The following KLHL1 variants were observed in gnomAD, a reference collection of about 807,000 sequenced individuals.
KLHL1 encodes the protein kelch like family member 1.
KLHL1 carries 47 observed loss-of-function variants against 77.7 expected under a neutral mutation model. The observed-to-expected ratio is 0.60, with a 90% CI of 0.48 to 0.77. The LOEUF is 0.77. Among genes scored for constraint, KLHL1 ranks in the 30% least tolerant of loss-of-function variants. The pLI is 0.00. For missense variants in KLHL1, 925 were observed against 910.8 expected (o/e 1.02, Z -0.20); for synonymous variants, 360 against 325.2 (o/e 1.11, Z -1.15).
At position 69,961,170 on chromosome 13, in the gene KLHL1, A is replaced by G. The variant is rs1884051777; in HGVS notation, c.817+138T>C. On this transcript the variant is annotated intron_variant, in intron 3 of 10. Transcript: ENST00000377844. ...AATTTCAGTGACAACAAAAAGTCTG[A>G]TTTTTGATCTACTAGTTTTCAACTG... 8.6e-6 allele frequency: 6 copies of G among 694,606 alleles called. No homozygotes were observed. In the African/African-American group the frequency reaches 1.1e-4, roughly 13 times the overall value. The allele number at this position is 694,606 out of a possible 1,614,324, so 43.0% of individuals were successfully genotyped here. A position where few individuals can be genotyped will look rare whatever the true frequency, so the allele number is the denominator to read the frequency against.
intron 6 of KLHL1, among the ~76,000 whole-genome samples, chr13:69,823,344 T>C (rs1211436075): frequency 2.0e-5 from 3 of 152,162 alleles, no homozygotes; most frequent in Non-Finnish European, 4.4e-5. Context: ...ATAAGTGTTA[T>C]GCAACTTTTT....
At chr13:69,845,713 T>G (rs1312373674) in intron 5 of KLHL1, among the ~76,000 whole-genome samples, 1 of 151,520 alleles carries the variant, frequency 6.6e-6, no homozygotes, top group Non-Finnish European at 1.5e-5. Context: ...ATGATAAAAT[T>G]TAATACTAAC....
rs1010351818 is a variant in KLHL1, at chr13:69,946,413, G to C, written c.818-6177C>G. Among the ~76,000 whole-genome samples the C allele has an allele frequency of 1.2e-4, 18 of 151,990 alleles. 1 individual carries two copies. The highest frequency in any genetic ancestry group is 1.2e-3 in the Admixed American group (18 of 15,256). On this transcript the variant is annotated intron_variant, in intron 3 of 10. Coordinates refer to ENST00000377844, the MANE Select transcript of KLHL1 (RefSeq NM_020866.3). ...AATAAATGATTTGAGTTGACAAGTA[G>C]ATAGAAACATTTTCTGAGTGCTTAA... is the stretch of plus-strand genomic sequence containing the variant.
rs1404181830 is a variant in KLHL1 at position 70,057,494 on chromosome 13, A to C, written c.497+49709T>G. 5.7e-5 allele frequency among the ~76,000 whole-genome samples: 7 copies of C among 122,406 alleles called. 1 individual carries two copies. In the East Asian group the frequency reaches 1.8e-3, roughly 31 times the overall value. 80.3% of individuals were successfully genotyped at this position (122,406 alleles called of 152,430 possible). A position where few individuals can be genotyped will look rare whatever the true frequency, so the allele number is the denominator to read the frequency against. ...CAAAAAAAAAAAAAAAAAAAAAAAG[A>C]GGCCGGGCGCGGTGGCTCACGCCTG... On this transcript the variant is annotated intron_variant, in intron 1 of 10. Transcript: ENST00000377844.
Position 70,043,342 on chromosome 13 carries a change from G to A in KLHL1, c.497+63861C>T, listed in dbSNP as rs182829543. Among the ~76,000 whole-genome samples, 29 of 152,236 alleles carry A rather than the reference G, an allele frequency of 1.9e-4. 1 individual carries two copies. The East Asian group carries it at 4.8e-3, about 25-fold the overall frequency. ...TTTTAAGCTCAGTGTTATTACTAAG[G>A]AGTCAAAATGCTAAAAGTTTATAAG... is the stretch of plus-strand genomic sequence containing the variant. On this transcript the variant is annotated intron_variant, in intron 1 of 10. Coordinates refer to ENST00000377844, the MANE Select transcript of KLHL1 (RefSeq NM_020866.3).
intron 4 of KLHL1, among the ~76,000 whole-genome samples, chr13:69,914,841 G>A (rs1882366927): frequency 6.6e-6 from 1 of 152,038 alleles, no homozygotes; most frequent in Non-Finnish European, 1.5e-5. Context: ...AATCTATCAA[G>A]CTGGCAGCAA....
At chr13:70,046,674 G>T (rs1886505295) in intron 1 of KLHL1, among the ~76,000 whole-genome samples, 1 of 151,960 alleles carries the variant, frequency 6.6e-6, no homozygotes, top group Non-Finnish European at 1.5e-5. Context: ...TTTTGTTGTT[G>T]TTGTTTTGTT....
At chr13:69,882,963 C>T (rs546457341) in intron 4 of KLHL1, among the ~76,000 whole-genome samples, 99 of 152,268 alleles carry the variant, frequency 6.5e-4, no homozygotes, top group African/African-American at 2.3e-3. Flanking sequence ...GACAGATAGG[C>T]CACTGAAGTC....
At chr13:69,922,932 T>C (rs1300818186) in intron 4 of KLHL1, among the ~76,000 whole-genome samples, 2 of 152,166 alleles carry the variant, frequency 1.3e-5, no homozygotes, top group Non-Finnish European at 2.9e-5. Context: ...TATAAAATAT[T>C]CAAAAGTGAA....
intron 1 of KLHL1, among the ~76,000 whole-genome samples, chr13:70,034,687 T>C (rs142006094): frequency 3.0e-4 from 45 of 152,250 alleles, no homozygotes; most frequent in African/African-American, 1.0e-3. Context: ...GGTGCATGTG[T>C]ATTTTGAGGA....
At chr13:69,914,960 C>T (rs1882371558) in intron 4 of KLHL1, among the ~76,000 whole-genome samples, 1 of 152,132 alleles carries the variant, frequency 6.6e-6, no homozygotes, top group Non-Finnish European at 1.5e-5. Flanking sequence ...GTAAACAACA[C>T]TAACATATCA....
At position 69,922,951 on chromosome 13, in the gene KLHL1, A is replaced by G. The variant is rs78591135; in HGVS notation, c.1014+17089T>C. Among the ~76,000 whole-genome samples, 3 of 152,346 alleles carry G rather than the reference A, an allele frequency of 2.0e-5. No individual in the cohort carries two copies. In the East Asian group the frequency reaches 5.8e-4, roughly 29 times the overall value. ...AAATATTCAAAAGTGAATAAATAAT[A>G]CATAAAGATGAAATATTTGAAAGCA... is the stretch of plus-strand genomic sequence containing the variant. On this transcript the variant is annotated intron_variant, in intron 4 of 10. Transcript: ENST00000377844.
intron 9 of KLHL1, among the ~76,000 whole-genome samples, chr13:69,713,850 G>A (rs1875990215): frequency 6.6e-6 from 1 of 152,050 alleles, no homozygotes; most frequent in African/African-American, 2.4e-5. Flanking sequence ...CTGGGTCATA[G>A]AGTAAACCTC....
chr13:69,940,165 C>T lies in KLHL1; in HGVS notation c.889G>A (p.Val297Met). The change falls in exon 4 of 11, where the codon GTG becomes ATG. Residue 297 changes from valine to methionine, a missense_variant. Coordinates refer to ENST00000377844, the MANE Select transcript of KLHL1 (RefSeq NM_020866.3). ...AGGAAGTGGCAGCACACTTCCACCACCTGTGGAAGCTGAAGAAGGCACGCT... is the reference window on the plus strand; with the variant it reads ...AGGAAGTGGCAGCACACTTCCACCATCTGTGGAAGCTGAAGAAGGCACGCT... ...AAACLLQLPQ[V>M]VEVCCHFLMK... 4 of 1,612,066 alleles carry T rather than the reference C, an allele frequency of 2.5e-6. No individual in the cohort carries two copies. The highest frequency in any genetic ancestry group is 3.4e-6 in the Non-Finnish European group (4 of 1,178,904).
intron 2 of KLHL1, among the ~76,000 whole-genome samples, chr13:69,971,098 C>G (rs1884368855): frequency 6.6e-6 from 1 of 152,024 alleles, no homozygotes; most frequent in African/African-American, 2.4e-5. Context: ...ACCCAGATTG[C>G]CTGGGTTTGA....
At position 70,011,402 on chromosome 13, in the gene KLHL1, G is replaced by A. The variant is rs189614746; in HGVS notation, c.498-35600C>T. Among the ~76,000 whole-genome samples, 193 of 152,252 alleles carry A rather than the reference G, an allele frequency of 1.3e-3. 1 individual carries two copies. Among genetic ancestry groups the A allele is most frequent in the Non-Finnish European group, 2.3e-3 (159 of 68,012 alleles). ...TAATACAATATACCTGGACCAGATA[G>A]TAACTCATTTTGAGTAGTTATTTAT... On this transcript the variant is annotated intron_variant, in intron 1 of 10. Transcript: ENST00000377844.
Position 69,837,653 on chromosome 13 carries a change from T to TAC in KLHL1, c.1414+1322_1414+1323insGT, listed in dbSNP as rs1380246444. 4.0e-3 allele frequency among the ~76,000 whole-genome samples: 531 copies of TAC among 131,374 alleles called. 11 individuals carry two copies. Among genetic ancestry groups the TAC allele is most frequent in the African/African-American group, 0.017 (497 of 29,758 alleles). The allele number at this position is 131,374 out of a possible 152,430, so 86.2% of individuals were successfully genotyped here. The stretch of plus-strand genomic sequence containing the variant: ...GTGTATATATATATATGTGTATATA[T>TAC]ATATGTGTGTGTGTGTGTATATATA... On this transcript the variant is annotated intron_variant, in intron 6 of 10. Transcript: ENST00000377844.
chr13:69,832,131 C>G (rs1217886656), intron 6 of KLHL1, among the ~76,000 whole-genome samples: 1 of 149,420 alleles, frequency 6.7e-6, no homozygotes, highest in East Asian at 1.9e-4. Context: ...ATAAAGGGCA[C>G]CAAAATTGGT....
At chr13:69,938,200 C>A (rs1168590147) in intron 4 of KLHL1, among the ~76,000 whole-genome samples, 2 of 152,014 alleles carry the variant, frequency 1.3e-5, no homozygotes, top group African/African-American at 4.8e-5. Context: ...CAATATAGAT[C>A]TGGGAAGACA....
Sources: gnomAD v4.1 joint callset for allele counts (sites outside exome capture counted in the v4.1 genomes callset) on GRCh38, gnomAD v4.1.1 for gene constraint, MANE v1.5 for transcripts, NCBI Gene and HGNC (gene_info 2026-07-23, HGNC 2026-07-21) for gene names.